Variants in DIPK2A observed in about 807,000 individuals in gnomAD.
The protein encoded by DIPK2A is Golgi Protein of 49 kDa.
A neutral mutation model predicts 39.0 loss-of-function variants in DIPK2A; 27 were observed. The observed-to-expected ratio is 0.69, with a 90% CI of 0.51 to 0.96. The LOEUF is 0.96. Ranked by LOEUF, DIPK2A falls within the 40% of genes least tolerant of loss-of-function variation. The pLI, the probability that DIPK2A is intolerant of heterozygous loss-of-function variation, is 0.00. For missense variants in DIPK2A, 528 were observed against 571.3 expected (o/e 0.92, Z 0.77); for synonymous variants, 298 against 240.8 (o/e 1.24, Z -2.20).
rs1281254306 is a variant in DIPK2A, at chr3:143,972,163, C to G, written c.-170C>G. Reference sequence around the variant, plus strand: ...AAGTCGCAGCCCGCTCAGGCCCGCGCCTTCCCGCTCCCCGTCTTCCTCTCT... The same window carrying G: ...AAGTCGCAGCCCGCTCAGGCCCGCGGCTTCCCGCTCCCCGTCTTCCTCTCT... On this transcript the variant is annotated 5_prime_UTR_variant, in exon 1 of 3. Transcript: ENST00000315691. 2.0e-6 allele frequency: 1 copy of G among 502,488 alleles called. No homozygotes were observed. The highest frequency in any genetic ancestry group is 2.0e-5 in the African/African-American group (1 of 49,778). The allele number at this position is 502,488 out of a possible 1,614,324, so 31.1% of individuals were successfully genotyped here.
rs1553740407 is a variant in DIPK2A, at chr3:143,976,531, A to AGAGTGT, written c.657+3543_657+3544insAGTGTG. On this transcript the variant is annotated intron_variant, in intron 1 of 2. Coordinates refer to ENST00000315691, the MANE Select transcript of DIPK2A (RefSeq NM_173552.5). ...ACCTATTGAATTTACAGAAAGGGAG[A>AGAGTGT]GTGTGTGTGTGTGTGTGTGTGTGTG... 8.0e-4 allele frequency among the ~76,000 whole-genome samples: 114 copies of AGAGTGT among 142,712 alleles called. 1 individual carries two copies. Among genetic ancestry groups the AGAGTGT allele is most frequent in the South Asian group, 2.0e-3 (9 of 4,462 alleles). The allele number at this position is 142,712 out of a possible 152,430, so 93.6% of individuals were successfully genotyped here.
At chr3:143,982,381 T>C (rs2087838513) in intron 1 of DIPK2A, among the ~76,000 whole-genome samples, 1 of 152,176 alleles carries the variant, frequency 6.6e-6, no homozygotes, top group African/African-American at 2.4e-5. Context: ...AGAAAGCCCA[T>C]CAGACTAACA....
At chr3:143,974,017 C>T (rs901471635) in intron 1 of DIPK2A, among the ~76,000 whole-genome samples, 8 of 152,016 alleles carry the variant, frequency 5.3e-5, no homozygotes, top group African/African-American at 1.5e-4. Flanking sequence ...TTACCGTGCT[C>T]CTTTCCATGA....
rs770510375 is a variant in DIPK2A at position 143,989,660 on chromosome 3, A to G, written c.1112A>G (p.His371Arg). 8.1e-6 allele frequency: 13 copies of G among 1,614,110 alleles called. No individual in the cohort carries two copies. Among genetic ancestry groups the G allele is most frequent in the Non-Finnish European group, 1.1e-5 (13 of 1,180,044 alleles). Residue 371 changes from histidine (H) to arginine (R), a missense_variant, in exon 3 of 3, where the codon CAT (histidine) becomes CGT (arginine). Physicochemically the swap from His to Arg is conservative, Grantham distance 29. Around this residue, in one of 2 missense-constraint regions of DIPK2A, gnomAD observed 219 missense variants for 281.5 expected, o/e 0.78. Transcript: ENST00000315691. ...YAVCQNLLSR[H>R]ATWRGTSGGL... ...GTTTGTCAGAACCTCTTATCCAGAC[A>G]TGCCACCTGGCGTGGCACTTCTGGA... is the stretch of plus-strand genomic sequence containing the variant.
In DIPK2A at chr3:143,972,938, C is replaced by A; in HGVS notation, c.606C>A (p.Arg202=). ...TTCGCAACCTCAAGGACTCGGAGCGCATGCAGCTGCTGCTGACCCTGGCCT... is the reference window on the plus strand; with the variant it reads ...TTCGCAACCTCAAGGACTCGGAGCGAATGCAGCTGCTGCTGACCCTGGCCT... ...FLLRNLKDSE[R]MQLLLTLAFN... is the part of the protein sequence containing the mutation. Residue 202 remains arginine (R), a synonymous_variant, in exon 1 of 3, where the codon CGC becomes CGA. Transcript: ENST00000315691. 1 of 1,589,792 alleles carries A rather than the reference C, an allele frequency of 6.3e-7. No individual in the cohort carries two copies. Among genetic ancestry groups the A allele is most frequent in the Non-Finnish European group, 8.5e-7 (1 of 1,170,624 alleles).
intron 1 of DIPK2A, among the ~76,000 whole-genome samples, chr3:143,976,923 G>A (rs1456121058): frequency 6.6e-6 from 1 of 151,952 alleles, no homozygotes; most frequent in Non-Finnish European, 1.5e-5. Context: ...ATAAAGTAAA[G>A]GTAACTTTAA....
Position 143,990,952 on chromosome 3 carries a change from G to T in DIPK2A, c.*1111G>T, listed in dbSNP as rs969695761. On this transcript the variant is annotated 3_prime_UTR_variant, in exon 3 of 3. Coordinates refer to ENST00000315691, the MANE Select transcript of DIPK2A (RefSeq NM_173552.5). ...TGGGTAGTTTTGCAAAATTAACATGGTAGCCATTGTTTGAATTTAATCGGG... is the reference window on the plus strand; with the variant it reads ...TGGGTAGTTTTGCAAAATTAACATGTTAGCCATTGTTTGAATTTAATCGGG... 3 of 152,212 alleles carry T rather than the reference G, an allele frequency of 2.0e-5. No individual in the cohort carries two copies. Among genetic ancestry groups the T allele is most frequent in the African/African-American group, 7.2e-5 (3 of 41,400 alleles). 9.4% of individuals were successfully genotyped at this position (152,212 alleles called of 1,614,324 possible).
At chr3:143,974,831 G>T (rs1214475677) in intron 1 of DIPK2A, among the ~76,000 whole-genome samples, 1 of 152,038 alleles carries the variant, frequency 6.6e-6, no homozygotes, top group Non-Finnish European at 1.5e-5. Context: ...AGAAACTTTG[G>T]CATCTGATTT....
Position 143,989,788 on chromosome 3 carries a change from G to A in DIPK2A, c.1240G>A (p.Ala414Thr). The change falls in exon 3 of 3, where the codon GCT becomes ACT. Residue 414 changes from alanine (A) to threonine (T), a missense_variant. Physicochemically the swap from Ala to Thr is moderately conservative, Grantham distance 58. This residue lies in a region of DIPK2A where 219 missense variants were observed against 281.5 expected (regional missense o/e 0.78). Transcript: ENST00000315691. ...AAAGAAGCGCTATGGCAGATTCCAG[G>A]CTGCAAAAGAACTGCGTGAATACCT... ...NPKKRYGRFQ[A>T]AKELREYLAQ... The A allele has an allele frequency of 1.9e-6, 3 of 1,614,166 alleles. No individual in the cohort carries two copies. The East Asian group carries it at 6.7e-5, about 36-fold the overall frequency.
chr3:143,978,662 A>G (rs1168836580), intron 1 of DIPK2A: 1 of 84,566 alleles, frequency 1.2e-5, no homozygotes, highest in Non-Finnish European at 2.1e-5. Context: ...ATATATATCT[A>G]TATATAGATA....
Position 143,972,756 on chromosome 3 carries a change from C to T in DIPK2A, c.424C>T (p.Pro142Ser), listed in dbSNP as rs759950058. The change falls in exon 1 of 3, where the codon CCC becomes TCC. Residue 142 changes from proline (P) to serine (S), a missense_variant. Around this residue, in one of 2 missense-constraint regions of DIPK2A, gnomAD observed 309 missense variants for 289.8 expected, o/e 1.07. Transcript: ENST00000315691. ...RPRCDLLQAMPRTEFARLNGD... is the reference protein window; with the variant it reads ...RPRCDLLQAMSRTEFARLNGD... ...CCGCTGCGACCTGCTGCAGGCCATGCCCCGGACCGAGTTCGCGCGCCTCAA... is the reference window on the plus strand; with the variant it reads ...CCGCTGCGACCTGCTGCAGGCCATGTCCCGGACCGAGTTCGCGCGCCTCAA... The T allele has an allele frequency of 3.8e-6, 6 of 1,577,298 alleles. No individual in the cohort carries two copies. Among genetic ancestry groups the T allele is most frequent in the Non-Finnish European group, 5.1e-6 (6 of 1,165,386 alleles).
In DIPK2A at chr3:143,972,909, C is replaced by A; in HGVS notation, c.577C>A (p.Leu193Met). Residue 193 changes from leucine to methionine, a missense_variant, in exon 1 of 3, where the codon CTG (leucine) becomes ATG (methionine). Physicochemically the swap from Leu to Met is conservative, Grantham distance 15. Coordinates refer to ENST00000315691, the MANE Select transcript of DIPK2A (RefSeq NM_173552.5). ...GGAGACCAAGGACTCGGGCAGCTTC[C>A]TGCTTCGCAACCTCAAGGACTCGGA... ...YAETKDSGSF[L>M]LRNLKDSERM... 1 of 1,586,770 alleles carries A rather than the reference C, an allele frequency of 6.3e-7. No homozygotes were observed. Among genetic ancestry groups the A allele is most frequent in the Middle Eastern group, 1.9e-4 (1 of 5,154 alleles).
chr3:143,987,719 A>G (rs1160758100), intron 2 of DIPK2A, among the ~76,000 whole-genome samples: 1 of 152,086 alleles, frequency 6.6e-6, no homozygotes. Flanking sequence ...TTGCCTTCCT[A>G]TAAAAAGTAT....
In DIPK2A at chr3:143,972,744, C is replaced by CTGCA; in HGVS notation, c.413_416dup (p.Gln139HisfsTer87). 1 of 1,583,374 alleles carries CTGCA rather than the reference C, an allele frequency of 6.3e-7. No individual in the cohort carries two copies. The highest frequency in any genetic ancestry group is 8.6e-7 in the Non-Finnish European group (1 of 1,167,932). On this transcript the variant is annotated frameshift_variant, in exon 1 of 3. Transcript: ENST00000315691. LOFTEE classifies it high-confidence loss of function. The stretch of plus-strand genomic sequence containing the variant: ...CACCGGCCGGCCCCGCTGCGACCTG[C>CTGCA]TGCAGGCCATGCCCCGGACCGAGTT...
intron 1 of DIPK2A, chr3:143,973,313 C>G (rs950272654): frequency 1.5e-5 from 23 of 1,533,992 alleles, no homozygotes; most frequent in African/African-American, 2.7e-5. Flanking sequence ...CCGCTCTCTA[C>G]CCTGCCTTTC....
chr3:143,972,699 C>G lies in DIPK2A; in HGVS notation c.367C>G (p.Gln123Glu). The part of the protein sequence containing the change: ...GSQRELAQLD[Q>E]SICKRATGRP... ...GCAGCGCGAGCTGGCGCAGCTCGAC[C>G]AGAGCATCTGCAAGCGGGCCACCGG... is the stretch of plus-strand genomic sequence containing the variant. The change falls in exon 1 of 3, where the codon CAG becomes GAG. Residue 123 changes from glutamine (Q) to glutamate (E), a missense_variant. Physicochemically the swap from Gln to Glu is conservative, Grantham distance 29. Coordinates refer to ENST00000315691, the MANE Select transcript of DIPK2A (RefSeq NM_173552.5). 6.2e-7 allele frequency: 1 copy of G among 1,606,208 alleles called. No homozygotes were observed. Among genetic ancestry groups the G allele is most frequent in the East Asian group, 2.2e-5 (1 of 44,718 alleles).
intron 1 of DIPK2A, among the ~76,000 whole-genome samples, chr3:143,974,905 A>C (rs533243962): frequency 6.6e-6 from 1 of 152,130 alleles, no homozygotes; most frequent in African/African-American, 2.4e-5. Context: ...TGAACTTCTC[A>C]TGGCATTCTC....
Position 143,972,110 on chromosome 3 carries a change from G to C in DIPK2A, c.-223G>C, listed in dbSNP as rs1365918503. The C allele has an allele frequency of 7.5e-6, 3 of 397,564 alleles. 1 individual carries two copies. The highest frequency in any genetic ancestry group is 1.3e-3 in the Middle Eastern group (2 of 1,594). 24.6% of individuals were successfully genotyped at this position (397,564 alleles called of 1,614,324 possible). A position where few individuals can be genotyped will look rare whatever the true frequency, so the allele number is the denominator to read the frequency against. ...GCGGGGAGCTAGGAGGAGGGAGCTC[G>C]AGAGTTGTGGAGACTAGTGACTGGG... On this transcript the variant is annotated 5_prime_UTR_variant, in exon 1 of 3. Coordinates refer to ENST00000315691, the MANE Select transcript of DIPK2A (RefSeq NM_173552.5).
intron 1 of DIPK2A, among the ~76,000 whole-genome samples, chr3:143,983,191 C>G (rs918650474): frequency 6.6e-6 from 1 of 152,168 alleles, no homozygotes; most frequent in Non-Finnish European, 1.5e-5. Flanking sequence ...CAAAGATATT[C>G]AGGACTTGAA....
Sources: allele counts gnomAD v4.1 joint callset (sites outside exome capture counted in the v4.1 genomes callset), GRCh38; gene constraint gnomAD v4.1.1; regional missense constraint gnomAD v4.1.1; transcripts MANE v1.5; gene names NCBI Gene and HGNC (gene_info 2026-07-23, HGNC 2026-07-21).